The following PPP4R2 variants were observed in gnomAD, a reference collection of about 807,000 sequenced individuals.
PPP4R2 encodes serine/threonine-protein phosphatase 4 regulatory subunit 2.
PPP4R2 carries 13 observed loss-of-function variants against 47.2 expected under a neutral mutation model. The ratio of observed to expected loss-of-function variants is 0.28; its 90% CI spans 0.18 to 0.44. PPP4R2 has a LOEUF of 0.44. PPP4R2 is among the 20% of genes least tolerant of loss of function. The probability of loss-of-function intolerance (pLI) is 1.00; values close to 1 mark genes in which losing one functional copy is unlikely to be tolerated. For synonymous variants in PPP4R2, 151 were observed against 163.3 expected, an observed-to-expected ratio of 0.92 and a Z score of 0.57; for missense variants, 421 against 491.2, an observed-to-expected ratio of 0.86 and a Z score of 1.35.
At chr3:73,048,483 T>A (rs957748210) in intron 3 of PPP4R2, among the ~76,000 whole-genome samples, 3 of 152,106 alleles carry the variant, frequency 2.0e-5, no homozygotes, top group Non-Finnish European at 4.4e-5. Flanking sequence ...CTCCAACTCC[T>A]GACCTTGTGA....
chr3:72,996,832 G>C lies in PPP4R2; in HGVS notation c.-206G>C, dbSNP rs1012473094. 8 of 396,470 alleles carry C rather than the reference G, an allele frequency of 2.0e-5. No homozygotes were observed. The South Asian group carries it at 6.5e-4, about 32-fold the overall frequency. The allele number at this position is 396,470 out of a possible 1,614,324, so 24.6% of individuals were successfully genotyped here. A position where few individuals can be genotyped will look rare whatever the true frequency, so the allele number is the denominator to read the frequency against. Reference sequence around the variant, plus strand: ...TACCGGGCGCCATGTTGGAGGGTTGGTGGTAGCGGCTTGGGGAGGTGCTCG... The same window carrying C: ...TACCGGGCGCCATGTTGGAGGGTTGCTGGTAGCGGCTTGGGGAGGTGCTCG... On this transcript the variant is annotated 5_prime_UTR_variant, in exon 1 of 9. Coordinates refer to ENST00000356692, the MANE Select transcript of PPP4R2 (RefSeq NM_174907.4).
chr3:73,062,407 C>G, intron 5 of PPP4R2: 1 of 1,607,096 alleles, frequency 6.2e-7, no homozygotes, highest in Non-Finnish European at 8.5e-7. Context: ...GCAGCCAAGT[C>G]TATGCTAGAC....
intron 2 of PPP4R2, among the ~76,000 whole-genome samples, chr3:73,012,194 C>T (rs181665938): frequency 3.9e-5 from 6 of 152,224 alleles, no homozygotes; most frequent in African/African-American, 1.2e-4. Flanking sequence ...ACTTATAATA[C>T]GTAATACAAT....
At chr3:73,048,645 G>A (rs865886458) in intron 3 of PPP4R2, among the ~76,000 whole-genome samples, 35 of 152,204 alleles carry the variant, frequency 2.3e-4, no homozygotes, top group African/African-American at 8.4e-4. Flanking sequence ...TTAACTTAGG[G>A]TGTGGAACAA....
rs772407293 is a variant in PPP4R2 at position 73,064,819 on chromosome 3, C to T, written c.639-33C>T. 7 of 1,525,868 alleles carry T rather than the reference C, an allele frequency of 4.6e-6. No homozygotes were observed. In the East Asian group the frequency reaches 1.6e-4, roughly 35 times the overall value. 94.5% of individuals were successfully genotyped at this position (1,525,868 alleles called of 1,614,324 possible). A position where few individuals can be genotyped will look rare whatever the true frequency, so the allele number is the denominator to read the frequency against. On this transcript the variant is annotated intron_variant, in intron 7 of 8. Coordinates refer to ENST00000356692, the MANE Select transcript of PPP4R2 (RefSeq NM_174907.4). The stretch of plus-strand genomic sequence containing the variant: ...GGATGTAGAAGATGGGGAAAATAAT[C>T]TTATTAATGACACTTTAAAAAAACA...
In PPP4R2 at chr3:73,003,697, T is replaced by G. The variant is rs188565296; in HGVS notation, c.116+5539T>G. Among the ~76,000 whole-genome samples, 1,124 of 127,934 alleles carry G rather than the reference T, an allele frequency of 8.8e-3. 8 individuals are homozygous for G. The highest frequency in any genetic ancestry group is 0.031 in the African/African-American group (1,051 of 33,522). The allele number at this position is 127,934 out of a possible 152,430, so 83.9% of individuals were successfully genotyped here. ...ATTGAAACAATATTTCTGGAGTTTT[T>G]TTTTGTTTTGTTTTTTTTTGAGACA... is the stretch of plus-strand genomic sequence containing the variant. On this transcript the variant is annotated intron_variant, in intron 2 of 8. Coordinates refer to ENST00000356692, the MANE Select transcript of PPP4R2 (RefSeq NM_174907.4).
Position 73,063,252 on chromosome 3 carries a change from T to A in PPP4R2, c.420-421T>A. 1.7e-5 allele frequency: 5 copies of A among 300,194 alleles called. No homozygotes were observed. The South Asian group carries it at 2.2e-4, about 13-fold the overall frequency. The allele number at this position is 300,194 out of a possible 1,614,324, so 18.6% of individuals were successfully genotyped here. The stretch of plus-strand genomic sequence containing the variant: ...AAATGGCATCTACCCCGTAAGATCT[T>A]GAGGGGGGAGTGTTGGGTGGAATCA... On this transcript the variant is annotated intron_variant, in intron 5 of 8. Coordinates refer to ENST00000356692, the MANE Select transcript of PPP4R2 (RefSeq NM_174907.4).
In PPP4R2 at chr3:73,047,081, T is replaced by TA. The variant is rs1702501300; in HGVS notation, c.117-103dup. On this transcript the variant is annotated intron_variant, in intron 2 of 8. Coordinates refer to ENST00000356692, the MANE Select transcript of PPP4R2 (RefSeq NM_174907.4). ...TTCTCATTACTAATTATTCACATCT[T>TA]AATTTTGTTAGTATTAGTGTCATAG... 4 of 637,236 alleles carry TA rather than the reference T, an allele frequency of 6.3e-6. No homozygotes were observed. In the African/African-American group the frequency reaches 7.5e-5, roughly 12 times the overall value. 39.5% of individuals were successfully genotyped at this position (637,236 alleles called of 1,614,324 possible). A position where few individuals can be genotyped will look rare whatever the true frequency, so the allele number is the denominator to read the frequency against.
chr3:73,003,820 T>G (rs9853923), intron 2 of PPP4R2, among the ~76,000 whole-genome samples: 3,052 of 152,066 alleles, frequency 0.02, 44 homozygotes, highest in Middle Eastern at 0.031. Flanking sequence ...TGCCACAGCC[T>G]CCTGAGTATC....
At chr3:73,063,025 A>C (rs904053117) in intron 5 of PPP4R2, 14 of 931,932 alleles carry the variant, frequency 1.5e-5, no homozygotes, top group Non-Finnish European at 2.3e-5. Context: ...GAGAAAAAAA[A>C]CAATGGTTAA....
chr3:73,051,457 C>G (rs1702610369), intron 3 of PPP4R2, among the ~76,000 whole-genome samples: 1 of 152,012 alleles, frequency 6.6e-6, no homozygotes, highest in African/African-American at 2.4e-5. Context: ...GTGAATTGCC[C>G]TTTATATCTT....
intron 2 of PPP4R2, among the ~76,000 whole-genome samples, chr3:73,007,008 C>T (rs73838445): frequency 1.2e-3 from 183 of 152,298 alleles, no homozygotes; most frequent in African/African-American, 4.3e-3. Context: ...GTTTTTGGTT[C>T]TGCTCTCTAG....
At position 73,063,693 on chromosome 3, in the gene PPP4R2, T is replaced by G; in HGVS notation, c.440T>G (p.Leu147Ter). The G allele has an allele frequency of 6.3e-7, 1 of 1,594,998 alleles. No individual in the cohort carries two copies. Among genetic ancestry groups the G allele is most frequent in the Non-Finnish European group, 8.6e-7 (1 of 1,162,814 alleles). Residue 147 changes from leucine to a stop codon, truncating the protein, a stop_gained, in exon 6 of 9, where the codon TTA becomes TGA. Transcript: ENST00000356692. LOFTEE classifies it high-confidence loss of function. The stretch of plus-strand genomic sequence containing the variant: ...TATAGGAAAAACAATTCCAATAGTT[T>G]AAATCGAATGAATGGTGTTATGTTT... The part of the protein sequence containing the change: ...PSSEKNNSNS[L>*]NRMNGVMFPG...
intron 2 of PPP4R2, among the ~76,000 whole-genome samples, chr3:73,027,293 A>G (rs532219430): frequency 1.3e-5 from 2 of 152,104 alleles, no homozygotes; most frequent in Admixed American, 1.3e-4. Flanking sequence ...TTGCCTGGCT[A>G]ATTTTTTGCA....
At chr3:73,000,450 T>C (rs767129620) in intron 2 of PPP4R2, among the ~76,000 whole-genome samples, 1 of 152,236 alleles carries the variant, frequency 6.6e-6, no homozygotes, top group Non-Finnish European at 1.5e-5. Context: ...CCCCCCAGGC[T>C]GCTTAGTTTT....
intron 2 of PPP4R2, among the ~76,000 whole-genome samples, chr3:73,043,632 C>T (rs1220870124): frequency 6.6e-6 from 1 of 152,192 alleles, no homozygotes; most frequent in African/African-American, 2.4e-5. Context: ...ATTATAGCCA[C>T]CCTAGTGGGT....
intron 3 of PPP4R2, among the ~76,000 whole-genome samples, chr3:73,052,241 C>CTTTTTT (rs71845467): frequency 4.8e-4 from 66 of 137,614 alleles, no homozygotes; most frequent in Non-Finnish European, 6.5e-4. Context: ...TAATTTCTTT[C>CTTTTTT]TTTTCTTTTT....
chr3:73,015,537 A>G (rs1033439067), intron 2 of PPP4R2, among the ~76,000 whole-genome samples: 25 of 130,336 alleles, frequency 1.9e-4, no homozygotes, highest in South Asian at 1.8e-3. Flanking sequence ...GTGCAGTGGC[A>G]TGATCTCGGC....
chr3:73,065,196 A>G, intron 8 of PPP4R2, 55 bp downstream of exon 8: 1 of 1,492,592 alleles, frequency 6.7e-7, no homozygotes, highest in Non-Finnish European at 8.9e-7. Flanking sequence ...AAATTCTTGT[A>G]CTTCATTTTT....
Sources: allele counts gnomAD v4.1 joint callset (sites outside exome capture counted in the v4.1 genomes callset), GRCh38; gene constraint gnomAD v4.1.1; transcripts MANE v1.5; gene names NCBI Gene and HGNC (gene_info 2026-07-23, HGNC 2026-07-21).